ERICH6B: variants seen among roughly 807,000 people sequenced by gnomAD.
ERICH6B encodes glutamate-rich protein 6B.
ERICH6B carries 69 observed loss-of-function variants against 80.0 expected under a neutral mutation model. The observed-to-expected ratio is 0.86, with a 90% CI of 0.71 to 1.05. The LOEUF is 1.05. Ranked by LOEUF, ERICH6B falls within the 50% of genes least tolerant of loss-of-function variation. The probability of loss-of-function intolerance (pLI) is 0.00; values close to 1 mark genes in which losing one functional copy is unlikely to be tolerated. For synonymous variants in ERICH6B, 283 were observed against 291.9 expected (o/e 0.97, Z 0.31); for missense variants, 754 against 796.1 (o/e 0.95, Z 0.64).
chr13:45,585,450 C>G (rs1875861406), intron 5 of ERICH6B, among the ~76,000 whole-genome samples: 1 of 152,186 alleles, frequency 6.6e-6, no homozygotes. Flanking sequence ...GCCACCAATG[C>G]TCTCCAGAAA....
chr13:45,597,760 T>C (rs1226932106), intron 2 of ERICH6B, among the ~76,000 whole-genome samples: 1 of 152,232 alleles, frequency 6.6e-6, no homozygotes, highest in Non-Finnish European at 1.5e-5. Flanking sequence ...TATTTTGCTA[T>C]ATTAAATTGT....
intron 8 of ERICH6B, among the ~76,000 whole-genome samples, chr13:45,571,963 A>G (rs1875190816): frequency 6.6e-6 from 1 of 152,214 alleles, no homozygotes; most frequent in African/African-American, 2.4e-5. Context: ...CTCCAGAACT[A>G]TGATATAGTA....
At chr13:45,569,779 G>T (rs1875074625) in intron 8 of ERICH6B, among the ~76,000 whole-genome samples, 2 of 152,188 alleles carry the variant, frequency 1.3e-5, no homozygotes, top group Admixed American at 6.5e-5. Flanking sequence ...GAAAGCTGGG[G>T]TGCTTTAGGT....
chr13:45,571,163 G>A (rs1875149194), intron 8 of ERICH6B, among the ~76,000 whole-genome samples: 1 of 152,206 alleles, frequency 6.6e-6, no homozygotes, highest in Admixed American at 6.5e-5. Flanking sequence ...GGGGAACAGA[G>A]TGGCATAGAT....
intron 10 of ERICH6B, 48 bp from the exon 11 acceptor site, chr13:45,561,574 G>A: frequency 6.5e-7 from 1 of 1,539,348 alleles, no homozygotes; most frequent in Non-Finnish European, 8.8e-7. Context: ...TGGTGGGAAA[G>A]AGAAAGGAAA....
intron 3 of ERICH6B, among the ~76,000 whole-genome samples, chr13:45,592,713 G>A (rs1593323311): frequency 6.6e-6 from 1 of 152,090 alleles, no homozygotes; most frequent in Non-Finnish European, 1.5e-5. Context: ...AAACTAAAAG[G>A]GGGTCTCATT....
chr13:45,551,936 C>T (rs1874241046), intron 11 of ERICH6B, among the ~76,000 whole-genome samples: 1 of 152,158 alleles, frequency 6.6e-6, no homozygotes. Flanking sequence ...TTGTAAACTA[C>T]CCAGTCTGTG....
chr13:45,556,626 C>T (rs896081017), intron 11 of ERICH6B, among the ~76,000 whole-genome samples: 2 of 152,150 alleles, frequency 1.3e-5, no homozygotes, highest in Admixed American at 6.5e-5. Context: ...GTTTAGCTCC[C>T]ACTTATGAGT....
At chr13:45,590,169 CT>C (rs1876099308) in intron 4 of ERICH6B, among the ~76,000 whole-genome samples, 1 of 151,710 alleles carries the variant, frequency 6.6e-6, no homozygotes, top group Admixed American at 6.6e-5. Flanking sequence ...CACAGAGGCT[CT>C]CTTATTCCAC....
chr13:45,561,547 T>A (rs573557995), intron 10 of ERICH6B, 21 bp from the exon 11 acceptor site: 6 of 1,549,810 alleles, frequency 3.9e-6, no homozygotes, highest in Non-Finnish European at 5.2e-6. Context: ...ATTCAACGAT[T>A]GCATTGAATA....
At chr13:45,568,739 A>G (rs1387461596) in intron 8 of ERICH6B, among the ~76,000 whole-genome samples, 1 of 152,210 alleles carries the variant, frequency 6.6e-6, no homozygotes, top group East Asian at 1.9e-4. Context: ...AAAGTTGAAG[A>G]TAAAAAAACA....
Position 45,568,323 on chromosome 13 carries a change from C to CAGTTTCCA in ERICH6B, c.1171_1178dup (p.Val394GlyfsTer4). ...CCTCACCAGTTACTTACATAATTAC[C>CAGTTTCCA]AGTTTCCATCTGTTTTCACTTTCCA... On this transcript the variant is annotated frameshift_variant, in exon 9 of 15. Transcript: ENST00000298738. LOFTEE classifies it high-confidence loss of function. 6.5e-7 allele frequency: 1 copy of CAGTTTCCA among 1,542,032 alleles called. No individual in the cohort carries two copies.
intron 13 of ERICH6B, among the ~76,000 whole-genome samples, chr13:45,545,685 G>A (rs1388340416): frequency 6.6e-6 from 1 of 152,160 alleles, no homozygotes; most frequent in Non-Finnish European, 1.5e-5. Flanking sequence ...ACACTTGCTG[G>A]AGCTGGGATT....
intron 1 of ERICH6B, among the ~76,000 whole-genome samples, chr13:45,613,349 C>T (rs1394353511): frequency 4.6e-5 from 7 of 152,152 alleles, no homozygotes; most frequent in African/African-American, 1.7e-4. Flanking sequence ...ATTAGGGCTG[C>T]AAGCTCCAGC....
At chr13:45,546,541 C>T (rs1873997695) in intron 13 of ERICH6B, among the ~76,000 whole-genome samples, 1 of 152,168 alleles carries the variant, frequency 6.6e-6, no homozygotes, top group African/African-American at 2.4e-5. Context: ...CTTTGACGCC[C>T]GTAGCTCCCT....
Position 45,561,444 on chromosome 13 carries a change from G to T in ERICH6B, c.1332C>A (p.Ile444=). Reference sequence around the variant, plus strand: ...GATGAACAACACGTTGAGGCTTTTGGATTTCTTCTGTCTCAGGCTTCTCAG... The same window carrying T: ...GATGAACAACACGTTGAGGCTTTTGTATTTCTTCTGTCTCAGGCTTCTCAG... ...PTPEKPETEE[I]QKPQRVVHHR... Residue 444 remains isoleucine (I), a synonymous_variant, in exon 11 of 15, where the codon ATC becomes ATA. Transcript: ENST00000298738. The T allele has an allele frequency of 5.2e-6, 8 of 1,552,190 alleles. No homozygotes were observed. The highest frequency in any genetic ancestry group is 6.1e-6 in the Non-Finnish European group (7 of 1,147,104).
At chr13:45,597,113 A>C in intron 2 of ERICH6B, 50 bp from the exon 3 acceptor site, 1 of 1,246,192 alleles carries the variant, frequency 8.0e-7, no homozygotes, top group Non-Finnish European at 1.1e-6. Flanking sequence ...TAGCAAATGC[A>C]TATTGATTTA....
chr13:45,547,866 C>G (rs1041218689), intron 13 of ERICH6B, among the ~76,000 whole-genome samples: 2 of 152,180 alleles, frequency 1.3e-5, no homozygotes, highest in African/African-American at 4.8e-5. Flanking sequence ...CTAGGCCACC[C>G]CCCACTCCCT....
At chr13:45,593,141 T>C (rs1876223441) in intron 3 of ERICH6B, among the ~76,000 whole-genome samples, 1 of 152,210 alleles carries the variant, frequency 6.6e-6, no homozygotes, top group African/African-American at 2.4e-5. Flanking sequence ...CCAATTTTAC[T>C]GGATTTCCCC....
Sources: allele counts gnomAD v4.1 joint callset (sites outside exome capture counted in the v4.1 genomes callset), GRCh38; gene constraint gnomAD v4.1.1; transcripts MANE v1.5; gene names NCBI Gene and HGNC (gene_info 2026-07-23, HGNC 2026-07-21).